Variants in MPPED1 observed in about 807,000 individuals in gnomAD.
The protein encoded by MPPED1 is metallophosphoesterase domain-containing protein 1.
MPPED1 carries 16 observed loss-of-function variants against 36.2 expected under a neutral mutation model. The ratio of observed to expected loss-of-function variants is 0.44; its 90% CI spans 0.30 to 0.67. The LOEUF (loss-of-function observed/expected upper bound fraction) is 0.67. Among genes scored for constraint, MPPED1 ranks in the 30% least tolerant of loss-of-function variants. The pLI is 0.10. For synonymous variants in MPPED1, 199 were observed against 191.3 expected, an observed-to-expected ratio of 1.04 and a Z score of -0.33; for missense variants, 307 against 453.4, an observed-to-expected ratio of 0.68 and a Z score of 2.93.
At chr22:43,436,180 A>C (rs570592638) in intron 3 of MPPED1, among the ~76,000 whole-genome samples, 64 of 152,306 alleles carry the variant, frequency 4.2e-4, no homozygotes, top group African/African-American at 1.5e-3. Context: ...ATCCAGAGAA[A>C]TCTCACAGTG....
chr22:43,501,529 C>T (rs1358386418), intron 5 of MPPED1, among the ~76,000 whole-genome samples: 1 of 152,226 alleles, frequency 6.6e-6, no homozygotes, highest in Non-Finnish European at 1.5e-5. Flanking sequence ...GGCACTCCAG[C>T]TGGTGCTGCC....
chr22:43,472,846 C>T lies in MPPED1; in HGVS notation c.407-1890C>T, dbSNP rs1334196432. Among the ~76,000 whole-genome samples, 5 of 152,150 alleles carry T rather than the reference C, an allele frequency of 3.3e-5. No homozygotes were observed. In the East Asian group the frequency reaches 5.8e-4, roughly 18 times the overall value. On this transcript the variant is annotated intron_variant, in intron 3 of 6. Transcript: ENST00000443721. ...CTGGGGGTAGAGAAGAAGCTTATAA[C>T]GGGGCACTGGACCCTTCTATTTCCT...
chr22:43,445,184 C>A (rs1183068192), intron 3 of MPPED1, among the ~76,000 whole-genome samples: 1 of 152,178 alleles, frequency 6.6e-6, no homozygotes, highest in Non-Finnish European at 1.5e-5. Flanking sequence ...TTCCTGTGCC[C>A]TCCTTATTTC....
In MPPED1 at chr22:43,435,016, T is replaced by C. The variant is rs1182971317; in HGVS notation, c.225-18T>C. 6.2e-7 allele frequency: 1 copy of C among 1,610,224 alleles called. No individual in the cohort carries two copies. The highest frequency in any genetic ancestry group is 8.5e-7 in the Non-Finnish European group (1 of 1,177,402). ...GGCTCCATGGCCTCCTGATCCGCAGTGTCATCTCTCCCTGCAGGGTGGACC... is the reference window on the plus strand; with the variant it reads ...GGCTCCATGGCCTCCTGATCCGCAGCGTCATCTCTCCCTGCAGGGTGGACC... On this transcript the variant is annotated intron_variant, in intron 2 of 6. Transcript: ENST00000443721.
intron 4 of MPPED1, among the ~76,000 whole-genome samples, chr22:43,480,822 T>G (rs998397245): frequency 2.0e-5 from 3 of 150,898 alleles, no homozygotes; most frequent in Non-Finnish European, 2.9e-5. Flanking sequence ...TTTTCTTTTC[T>G]TTTCTTTTTT....
intron 3 of MPPED1, among the ~76,000 whole-genome samples, chr22:43,470,357 A>G (rs1931332291): frequency 1.3e-5 from 2 of 151,682 alleles, no homozygotes; most frequent in Admixed American, 1.3e-4. Context: ...ATGCATCTAT[A>G]TATCTATCCA....
chr22:43,418,003 C>T (rs1184496526), intron 1 of MPPED1: 7 of 455,306 alleles, frequency 1.5e-5, no homozygotes, highest in Non-Finnish European at 2.6e-5. Flanking sequence ...ATAAGACAGT[C>T]GTTTCTGTGT....
Position 43,458,446 on chromosome 22 carries a change from C to T in MPPED1, c.407-16290C>T, listed in dbSNP as rs780984648. 8.6e-5 allele frequency among the ~76,000 whole-genome samples: 13 copies of T among 151,908 alleles called. 1 individual carries two copies. The highest frequency in any genetic ancestry group is 4.2e-4 in the South Asian group (2 of 4,804). On this transcript the variant is annotated intron_variant, in intron 3 of 6. Coordinates refer to ENST00000443721, the MANE Select transcript of MPPED1 (RefSeq NM_001044370.2). ...GATTACAGGCACGTGCCACCACACCCGGCTAATTTTTATATTTTTAGTAGA... is the reference window on the plus strand; with the variant it reads ...GATTACAGGCACGTGCCACCACACCTGGCTAATTTTTATATTTTTAGTAGA...
At chr22:43,442,080 T>G (rs1469461776) in intron 3 of MPPED1, among the ~76,000 whole-genome samples, 1 of 151,934 alleles carries the variant, frequency 6.6e-6, no homozygotes, top group Non-Finnish European at 1.5e-5. Context: ...TACTTTCTGG[T>G]GCAAGCTGGT....
chr22:43,480,950 A>C (rs1931730674), intron 4 of MPPED1, among the ~76,000 whole-genome samples: 3 of 150,892 alleles, frequency 2.0e-5, no homozygotes, highest in South Asian at 4.2e-4. Flanking sequence ...CAGCCTCCTG[A>C]GTAGCTTGGA....
At chr22:43,476,106 A>G (rs1484882818) in intron 4 of MPPED1, among the ~76,000 whole-genome samples, 1 of 151,934 alleles carries the variant, frequency 6.6e-6, no homozygotes, top group Admixed American at 6.6e-5. Context: ...TGGTGATGGC[A>G]GGAAATAATT....
chr22:43,425,073 T>G lies in MPPED1; in HGVS notation c.88T>G (p.Ser30Ala). The change falls in exon 2 of 7, where the codon TCC (serine) becomes GCC (alanine). Residue 30 changes from serine (S) to alanine (A), a missense_variant. Around this residue, in one of 3 missense-constraint regions of MPPED1, gnomAD observed 169 missense variants for 212.3 expected, o/e 0.80. Transcript: ENST00000443721. ...CGGCCTGGGCATGGCATTCTCCCAG[T>G]CCCACGTGATGGCCGCTCGGCGGCA... ...PCGLGMAFSQ[S>A]HVMAARRHQH... 6.2e-7 allele frequency: 1 copy of G among 1,613,630 alleles called. No homozygotes were observed.
At chr22:43,482,083 T>C (rs1931767038) in intron 4 of MPPED1, among the ~76,000 whole-genome samples, 1 of 152,084 alleles carries the variant, frequency 6.6e-6, no homozygotes, top group African/African-American at 2.4e-5. Flanking sequence ...GGGAACCAAC[T>C]GCAGGAGAAG....
intron 4 of MPPED1, among the ~76,000 whole-genome samples, chr22:43,475,774 TG>T (rs1311443940): frequency 3.3e-4 from 35 of 106,844 alleles, no homozygotes; most frequent in Admixed American, 3.2e-3. Context: ...ATGATGAGGG[TG>T]AGGGTGAGGG....
Position 43,506,830 on chromosome 22 carries a change from C to T in MPPED1, c.*1214C>T, listed in dbSNP as rs1055715451. ...AAATGGGCAAGTTCAGGGTCAGATTCTGTCGTTATTTAATATTTTGTTCAT... is the reference window on the plus strand; with the variant it reads ...AAATGGGCAAGTTCAGGGTCAGATTTTGTCGTTATTTAATATTTTGTTCAT... On this transcript the variant is annotated 3_prime_UTR_variant, in exon 7 of 7. Coordinates refer to ENST00000443721, the MANE Select transcript of MPPED1 (RefSeq NM_001044370.2). The T allele has an allele frequency of 1.4e-4, 21 of 152,122 alleles. No individual in the cohort carries two copies. The highest frequency in any genetic ancestry group is 5.1e-4 in the African/African-American group (21 of 41,398). The allele number at this position is 152,122 out of a possible 1,614,324, so 9.4% of individuals were successfully genotyped here. A position where few individuals can be genotyped will look rare whatever the true frequency, so the allele number is the denominator to read the frequency against.
intron 2 of MPPED1, 103 bp from the exon 3 acceptor site, chr22:43,434,931 G>A: frequency 2.3e-6 from 3 of 1,286,716 alleles, no homozygotes; most frequent in Non-Finnish European, 2.2e-6. Context: ...ATCTGAGCGG[G>A]ATTGATGGGG....
At chr22:43,497,523 C>T (rs1224647284) in intron 4 of MPPED1, among the ~76,000 whole-genome samples, 1 of 152,060 alleles carries the variant, frequency 6.6e-6, no homozygotes, top group Non-Finnish European at 1.5e-5. Flanking sequence ...TGAAAAGAGA[C>T]TGCCTGCAAT....
intron 4 of MPPED1, among the ~76,000 whole-genome samples, chr22:43,495,774 AGAT>A (rs1932297938): frequency 3.8e-4 from 3 of 7,974 alleles, no homozygotes; most frequent in Non-Finnish European, 3.7e-4. Context: ...GTGGTGGTGG[AGAT>A]GGTGGTGGTG....
At chr22:43,495,490 GGT>G (rs1932255707) in intron 4 of MPPED1, among the ~76,000 whole-genome samples, 3 of 28,802 alleles carry the variant, frequency 1.0e-4, no homozygotes, top group Non-Finnish European at 1.7e-4. Flanking sequence ...TGGTGGTGGA[GGT>G]AGTGGTGGTG....
Sources: allele counts gnomAD v4.1 joint callset (sites outside exome capture counted in the v4.1 genomes callset), GRCh38; gene constraint gnomAD v4.1.1; regional missense constraint gnomAD v4.1.1; transcripts MANE v1.5; gene names NCBI Gene and HGNC (gene_info 2026-07-23, HGNC 2026-07-21).